The following PCED1B variants were observed in gnomAD, a reference collection of about 807,000 sequenced individuals.
PCED1B encodes PC-esterase domain containing 1B, also known as PC-esterase domain-containing protein 1B.
For synonymous variants in PCED1B, 251 were observed against 246.1 expected, an observed-to-expected ratio of 1.02 and a Z score of -0.19; for missense variants, 573 against 573.9, an observed-to-expected ratio of 1.00 and a Z score of 0.02.
intron 2 of PCED1B, among the ~76,000 whole-genome samples, chr12:47,109,171 A>C (rs974592634): frequency 1.3e-5 from 2 of 152,084 alleles, no homozygotes; most frequent in Non-Finnish European, 2.9e-5. Flanking sequence ...TGTAGAAGAA[A>C]TTTTCAAGAA....
chr12:47,149,171 A>T (rs1451904067), intron 2 of PCED1B, among the ~76,000 whole-genome samples: 1 of 152,216 alleles, frequency 6.6e-6, no homozygotes, highest in Non-Finnish European at 1.5e-5. Context: ...CTCAGTTTAG[A>T]CATCACTCAA....
intron 2 of PCED1B, among the ~76,000 whole-genome samples, chr12:47,149,356 T>C (rs1250509951): frequency 6.6e-6 from 1 of 152,198 alleles, no homozygotes; most frequent in Non-Finnish European, 1.5e-5. Context: ...CCATTCTCTC[T>C]CCCTTCGTCA....
At chr12:47,220,588 G>A (rs1943447842) in intron 3 of PCED1B, among the ~76,000 whole-genome samples, 1 of 152,256 alleles carries the variant, frequency 6.6e-6, no homozygotes, top group Admixed American at 6.5e-5. Flanking sequence ...GGCACAAAGT[G>A]AGTGCTCAGT....
At chr12:47,213,306 G>A (rs1266498813) in intron 2 of PCED1B, among the ~76,000 whole-genome samples, 1 of 152,180 alleles carries the variant, frequency 6.6e-6, no homozygotes, top group East Asian at 1.9e-4. Flanking sequence ...AGTACTAATT[G>A]TGAGTGCTTT....
chr12:47,141,511 C>T (rs1940590908), intron 2 of PCED1B, among the ~76,000 whole-genome samples: 1 of 152,184 alleles, frequency 6.6e-6, no homozygotes, highest in African/African-American at 2.4e-5. Flanking sequence ...GTGCTTCAGG[C>T]AACAGGCCTG....
At chr12:47,168,280 T>C (rs1306365010) in intron 2 of PCED1B, among the ~76,000 whole-genome samples, 1 of 152,248 alleles carries the variant, frequency 6.6e-6, no homozygotes, top group Non-Finnish European at 1.5e-5. Context: ...ATGTTTCTTC[T>C]TGGGTCAATT....
At chr12:47,219,580 T>C (rs980903867) in intron 3 of PCED1B, among the ~76,000 whole-genome samples, 1 of 152,198 alleles carries the variant, frequency 6.6e-6, no homozygotes, top group Admixed American at 6.5e-5. Context: ...GCCTAAACAT[T>C]TGAAACACAA....
rs988637150 is a variant in PCED1B, at chr12:47,166,083, A to G, written c.-525-50139A>G. 3.9e-5 allele frequency among the ~76,000 whole-genome samples: 6 copies of G among 152,232 alleles called. No individual in the cohort carries two copies. The South Asian group carries it at 1.0e-3, about 26-fold the overall frequency. ...CCCGGGGTCAACCCAGCCCTCCTCA[A>G]GTTCCTGTCTGGGAAATCTCAAGGT... On this transcript the variant is annotated intron_variant, in intron 2 of 3. Coordinates refer to ENST00000546455, the MANE Select transcript of PCED1B (RefSeq NM_138371.3).
intron 2 of PCED1B, among the ~76,000 whole-genome samples, chr12:47,108,937 A>G (rs10785657): frequency 0.85 from 129,188 of 152,204 alleles, 55,277 homozygotes; most frequent in East Asian, 0.95. Context: ...GGCACACACC[A>G]ACTTTTGTTT....
chr12:47,117,583 A>G (rs1030938443), intron 2 of PCED1B, among the ~76,000 whole-genome samples: 1 of 152,040 alleles, frequency 6.6e-6, no homozygotes, highest in East Asian at 1.9e-4. Context: ...ACATTTTCTT[A>G]ATCCAGTCTA....
intron 1 of PCED1B, among the ~76,000 whole-genome samples, chr12:47,101,216 T>C (rs569021545): frequency 2.0e-3 from 309 of 152,318 alleles, no homozygotes; most frequent in Admixed American, 4.2e-3. Context: ...TTATTATCTA[T>C]ACCAGATGGT....
intron 2 of PCED1B, chr12:47,210,476 G>A (rs1311386551): frequency 6.6e-6 from 1 of 152,176 alleles, no homozygotes; most frequent in Admixed American, 6.5e-5. Context: ...TTATTTAAAT[G>A]TATTTCAGGC....
chr12:47,091,151 C>G (rs960368506), intron 1 of PCED1B, among the ~76,000 whole-genome samples: 19 of 152,104 alleles, frequency 1.2e-4, no homozygotes, highest in Non-Finnish European at 2.6e-4. Context: ...TTTATTATCC[C>G]ACAAGTGGTA....
At chr12:47,124,556 T>C (rs1279400215) in intron 2 of PCED1B, among the ~76,000 whole-genome samples, 1 of 151,734 alleles carries the variant, frequency 6.6e-6, no homozygotes, top group Non-Finnish European at 1.5e-5. Context: ...TGTTCTTGTA[T>C]CCTGCTTTTA....
chr12:47,174,723 AT>A (rs1187865938), intron 2 of PCED1B, among the ~76,000 whole-genome samples: 2 of 152,114 alleles, frequency 1.3e-5, no homozygotes, highest in East Asian at 1.9e-4. Flanking sequence ...CTGGAATTTA[AT>A]TTTTTTTAAG....
intron 2 of PCED1B, among the ~76,000 whole-genome samples, chr12:47,155,913 T>G (rs1195363712): frequency 6.6e-6 from 1 of 152,182 alleles, no homozygotes; most frequent in African/African-American, 2.4e-5. Flanking sequence ...CTCTTTCAGC[T>G]AGAGTTAAAA....
rs267603480 is a variant in PCED1B, at chr12:47,236,171, G to A, written c.1108G>A (p.Glu370Lys). ...PSSAHAGFFV[E>K]DNFMVGPQLP... ...ATCAGCCCATGCAGGTTTCTTCGTC[G>A]AAGACAATTTTATGGTTGGTCCTCA... The change falls in exon 4 of 4, where the codon GAA becomes AAA. Residue 370 changes from glutamate to lysine, a missense_variant. By Grantham distance (56) the Glu-to-Lys change is moderately conservative. Coordinates refer to ENST00000546455, the MANE Select transcript of PCED1B (RefSeq NM_138371.3). The A allele has an allele frequency of 1.2e-6, 2 of 1,613,992 alleles. No homozygotes were observed. The highest frequency in any genetic ancestry group is 1.7e-6 in the Non-Finnish European group (2 of 1,179,992).
At chr12:47,211,445 A>C (rs1289435807) in intron 2 of PCED1B, among the ~76,000 whole-genome samples, 1 of 150,972 alleles carries the variant, frequency 6.6e-6, no homozygotes, top group Admixed American at 6.6e-5. Flanking sequence ...TGAGGCCAGG[A>C]GTTCAAGACC....
intron 2 of PCED1B, among the ~76,000 whole-genome samples, chr12:47,150,804 G>A (rs1940965268): frequency 6.6e-6 from 1 of 152,094 alleles, no homozygotes; most frequent in South Asian, 2.1e-4. Flanking sequence ...AGTCTGGTAA[G>A]GAGATGGGGC....
Sources: gnomAD v4.1 joint callset for allele counts (sites outside exome capture counted in the v4.1 genomes callset) on GRCh38, gnomAD v4.1.1 for gene constraint, MANE v1.5 for transcripts, NCBI Gene and HGNC (gene_info 2026-07-23, HGNC 2026-07-21) for gene names.